PLAAT5: variants seen among roughly 807,000 people sequenced by gnomAD.
PLAAT5 encodes Ca(2+)-independent N-acyltransferase.
PLAAT5 carries 27 observed loss-of-function variants against 27.8 expected under a neutral mutation model. That is an observed-to-expected ratio of 0.97 (90% CI 0.72 to 1.34). The LOEUF is 1.34. Among genes scored for constraint, PLAAT5 ranks in the 40% most tolerant of loss-of-function variants. PLAAT5 has a pLI of 0.00. For synonymous variants in PLAAT5, 125 were observed against 136.1 expected, an observed-to-expected ratio of 0.92 and a Z score of 0.57; for missense variants, 368 against 343.8, an observed-to-expected ratio of 1.07 and a Z score of -0.56.
chr11:63,481,841 G>T (rs577234296), intron 3 of PLAAT5, among the ~76,000 whole-genome samples: 21 of 152,246 alleles, frequency 1.4e-4, no homozygotes, highest in Admixed American at 3.9e-4. Context: ...TCACTCATAG[G>T]TGGGAACTGA....
intron 3 of PLAAT5, among the ~76,000 whole-genome samples, chr11:63,479,648 A>G (rs918176651): frequency 6.6e-6 from 1 of 152,146 alleles, no homozygotes; most frequent in Admixed American, 6.5e-5. Context: ...AGCTGAGGCC[A>G]TTTCTGCTAT....
At chr11:63,475,955 C>T (rs762685639) in intron 3 of PLAAT5, among the ~76,000 whole-genome samples, 3 of 151,812 alleles carry the variant, frequency 2.0e-5, no homozygotes, top group Non-Finnish European at 2.9e-5. Flanking sequence ...TGTTATAAAC[C>T]GAAGACAGTG....
At chr11:63,484,455 G>C (rs1334308735) in intron 3 of PLAAT5, among the ~76,000 whole-genome samples, 1 of 152,084 alleles carries the variant, frequency 6.6e-6, no homozygotes. Context: ...ATGATCAAGT[G>C]GGTTTTATAG....
intron 3 of PLAAT5, among the ~76,000 whole-genome samples, chr11:63,486,518 A>T (rs1368140267): frequency 1.3e-5 from 2 of 152,202 alleles, no homozygotes; most frequent in Admixed American, 6.5e-5. Flanking sequence ...AGCAACCTGG[A>T]TAGAGCTGGA....
rs767589718 is a variant in PLAAT5 at position 63,490,995 on chromosome 11, G to T, written c.40C>A (p.Arg14Ser). 54 of 1,548,890 alleles carry T rather than the reference G, an allele frequency of 3.5e-5. No homozygotes were observed. The South Asian group carries it at 6.4e-4, about 18-fold the overall frequency. ...SPGAEGEYAL[R>S]LPRIPPPLPK... Reference sequence around the variant, plus strand: ...AGGGGTGGGGGAATCCTAGGGAGGCGGAGCGCGTACTCCCCCTCGGCGCCC... The same window carrying T: ...AGGGGTGGGGGAATCCTAGGGAGGCTGAGCGCGTACTCCCCCTCGGCGCCC... Residue 14 changes from arginine (R) to serine (S), a missense_variant, in exon 1 of 6, where the codon CGC becomes AGC. Arg to Ser is a moderately radical substitution (Grantham distance 110). Coordinates refer to ENST00000540857, the MANE Select transcript of PLAAT5 (RefSeq NM_001146729.2).
chr11:63,464,138 C>T (rs2120199371), intron 5 of PLAAT5, among the ~76,000 whole-genome samples: 1 of 152,130 alleles, frequency 6.6e-6, no homozygotes, highest in South Asian at 2.1e-4. Flanking sequence ...AAAAGCCTCA[C>T]AAGAATGGAG....
intron 2 of PLAAT5, 124 bp downstream of exon 2, chr11:63,490,119 C>T (rs2016525235): frequency 7.7e-7 from 1 of 1,290,972 alleles, no homozygotes; most frequent in South Asian, 1.3e-5. Flanking sequence ...CTTCCCCTTG[C>T]TGGGTACCGG....
In PLAAT5 at chr11:63,478,997, G is replaced by A. The variant is rs139698970; in HGVS notation, c.345+9874C>T. Among the ~76,000 whole-genome samples the A allele has an allele frequency of 8.2e-3, 1,255 of 152,228 alleles. 8 individuals are homozygous for A. The highest frequency in any genetic ancestry group is 0.018 in the Admixed American group (275 of 15,286). On this transcript the variant is annotated intron_variant, in intron 3 of 5. Transcript: ENST00000540857. ...AATGGCAGCCACATATCCACTAGAG[G>A]GCTCCCCATACCAGGCTTCTCACCC...
At chr11:63,473,399 T>C (rs1445822327) in intron 3 of PLAAT5, among the ~76,000 whole-genome samples, 1 of 152,226 alleles carries the variant, frequency 6.6e-6, no homozygotes, top group African/African-American at 2.4e-5. Context: ...AACTTTTATA[T>C]GCACTGGGAA....
chr11:63,473,778 T>A (rs2016089113), intron 3 of PLAAT5, among the ~76,000 whole-genome samples: 1 of 149,782 alleles, frequency 6.7e-6, no homozygotes, highest in Non-Finnish European at 1.5e-5. Context: ...AGTGGCGCAA[T>A]CTTGGCTCAC....
intron 2 of PLAAT5, among the ~76,000 whole-genome samples, chr11:63,489,514 C>A (rs1416044950): frequency 6.6e-6 from 1 of 152,184 alleles, no homozygotes; most frequent in Non-Finnish European, 1.5e-5. Flanking sequence ...CAAGAATATG[C>A]TTTCAAGCAT....
intron 5 of PLAAT5, 115 bp downstream of exon 5, chr11:63,465,995 A>T: frequency 1.9e-6 from 2 of 1,062,704 alleles, no homozygotes; most frequent in Non-Finnish European, 2.7e-6. Context: ...AGAAGGCCCT[A>T]CTAGTATAAC....
At chr11:63,476,657 C>G (rs992629278) in intron 3 of PLAAT5, among the ~76,000 whole-genome samples, 1 of 151,958 alleles carries the variant, frequency 6.6e-6, no homozygotes, top group Non-Finnish European at 1.5e-5. Flanking sequence ...TTGTGTTTGG[C>G]TTTCATCTGT....
At chr11:63,472,562 G>A (rs1307356972) in intron 3 of PLAAT5, among the ~76,000 whole-genome samples, 1 of 152,184 alleles carries the variant, frequency 6.6e-6, no homozygotes, top group African/African-American at 2.4e-5. Flanking sequence ...GCCACCTTAA[G>A]ATTGCAGATA....
rs555415956 is a variant in PLAAT5 at position 63,488,871 on chromosome 11, C to T, written c.345G>A (p.Glu115=). 1 of 1,604,186 alleles carries T rather than the reference C, an allele frequency of 6.2e-7. No homozygotes were observed. Among genetic ancestry groups the T allele is most frequent in the East Asian group, 2.2e-5 (1 of 44,764 alleles). ...NEGKLIKQAA[E]GKPRPRPGDL... ...CTTTGAGAATTCTTGTTACACCTAC[C>T]TCAGCTGCTTGCTTTATTAACTTGC... The change falls in exon 3 of 6, where the codon GAG becomes GAA. Residue 115 remains glutamate, a splice_region_variant and synonymous_variant. Coordinates refer to ENST00000540857, the MANE Select transcript of PLAAT5 (RefSeq NM_001146729.2).
intron 3 of PLAAT5, among the ~76,000 whole-genome samples, chr11:63,488,041 A>T (rs1275532571): frequency 6.6e-6 from 1 of 152,218 alleles, no homozygotes; most frequent in African/African-American, 2.4e-5. Flanking sequence ...GCTACTCGGG[A>T]GGCTGAGGCA....
rs769748722 is a variant in PLAAT5 at position 63,490,976 on chromosome 11, G to T, written c.59C>A (p.Pro20Gln). The change falls in exon 1 of 6, where the codon CCA (proline) becomes CAA (glutamine). Residue 20 changes from proline (P) to glutamine (Q), a missense_variant. By Grantham distance (76) the Pro-to-Gln change is moderately conservative. Coordinates refer to ENST00000540857, the MANE Select transcript of PLAAT5 (RefSeq NM_001146729.2). The part of the protein sequence containing the change: ...EYALRLPRIP[P>Q]PLPKPASRTA... ...TCGCGAGGCGGGTTTGGGGAGGGGT[G>T]GGGGAATCCTAGGGAGGCGGAGCGC... 1 of 1,579,092 alleles carries T rather than the reference G, an allele frequency of 6.3e-7. No individual in the cohort carries two copies. The highest frequency in any genetic ancestry group is 8.6e-7 in the Non-Finnish European group (1 of 1,163,080).
chr11:63,479,853 T>C (rs1300421008), intron 3 of PLAAT5, among the ~76,000 whole-genome samples: 1 of 152,224 alleles, frequency 6.6e-6, no homozygotes, highest in African/African-American at 2.4e-5. Flanking sequence ...CTGGCATTGA[T>C]CAGGGTGAAG....
intron 5 of PLAAT5, 76 bp from the exon 6 acceptor site, chr11:63,463,671 T>G: frequency 2.7e-6 from 3 of 1,113,194 alleles, no homozygotes; most frequent in Non-Finnish European, 4.1e-6. Flanking sequence ...CACCCCACCA[T>G]ACCCATTCAG....
Sources: gnomAD v4.1 joint callset for allele counts (sites outside exome capture counted in the v4.1 genomes callset) on GRCh38, gnomAD v4.1.1 for gene constraint, MANE v1.5 for transcripts, NCBI Gene and HGNC (gene_info 2026-07-23, HGNC 2026-07-21) for gene names.